The following THSD7B variants were observed in gnomAD, a reference collection of about 807,000 sequenced individuals.
THSD7B encodes the protein thrombospondin type 1 domain containing 7B.
In THSD7B, 138 loss-of-function variants were observed where a neutral mutation model predicts 213.6. The observed-to-expected ratio is 0.65, with a 90% CI of 0.56 to 0.74. The LOEUF is 0.74. Among genes scored for constraint, THSD7B ranks in the 30% least tolerant of loss-of-function variants. The pLI is 0.00. For missense variants in THSD7B, 1,931 were observed against 1,991.5 expected (o/e 0.97, Z 0.58); for synonymous variants, 742 against 687.0 (o/e 1.08, Z -1.25).
intron 10 of THSD7B, among the ~76,000 whole-genome samples, chr2:137,267,945 C>T (rs989192842): frequency 1.3e-5 from 2 of 152,196 alleles, no homozygotes; most frequent in Non-Finnish European, 2.9e-5. Context: ...AGAGCTACTA[C>T]TTGGCCTTTG....
chr2:137,613,767 C>A (rs1255505680), intron 17 of THSD7B, among the ~76,000 whole-genome samples: 1 of 152,086 alleles, frequency 6.6e-6, no homozygotes, highest in Non-Finnish European at 1.5e-5. Context: ...ATAAAGAAAT[C>A]ATCCAGATAG....
At chr2:137,272,389 T>A in intron 10 of THSD7B, 144 bp from the exon 11 acceptor site, 1 of 692,174 alleles carries the variant, frequency 1.4e-6, no homozygotes, top group Non-Finnish European at 2.3e-6. Context: ...TAACTCCTGG[T>A]CTTTGCTTGT....
At chr2:137,604,295 C>T (rs926289911) in intron 17 of THSD7B, among the ~76,000 whole-genome samples, 12 of 151,998 alleles carry the variant, frequency 7.9e-5, no homozygotes, top group African/African-American at 2.7e-4. Context: ...GACTCAATTC[C>T]TCTCTTTGAG....
At chr2:137,670,443 C>A (rs895650131) in intron 27 of THSD7B, among the ~76,000 whole-genome samples, 3 of 151,850 alleles carry the variant, frequency 2.0e-5, no homozygotes, top group African/African-American at 7.3e-5. Flanking sequence ...TAGGTCCAAA[C>A]ACATTTAAGT....
intron 5 of THSD7B, among the ~76,000 whole-genome samples, chr2:137,126,378 T>C (rs1244384399): frequency 6.6e-6 from 1 of 152,206 alleles, no homozygotes; most frequent in Non-Finnish European, 1.5e-5. Flanking sequence ...TGCTTCACTT[T>C]GCACCTTTTT....
At chr2:136,855,172 T>C (rs993791804) in intron 1 of THSD7B, among the ~76,000 whole-genome samples, 1 of 152,168 alleles carries the variant, frequency 6.6e-6, no homozygotes, top group Non-Finnish European at 1.5e-5. Context: ...TATTTATGTA[T>C]GCATTTTTTT....
chr2:137,351,075 C>A (rs777913983), intron 12 of THSD7B, among the ~76,000 whole-genome samples: 1 of 151,862 alleles, frequency 6.6e-6, no homozygotes, highest in Non-Finnish European at 1.5e-5. Context: ...TCATTCACAT[C>A]ACCATTGATA....
chr2:137,624,219 A>C (rs180699696), intron 20 of THSD7B, among the ~76,000 whole-genome samples: 1 of 152,286 alleles, frequency 6.6e-6, no homozygotes, highest in South Asian at 2.1e-4. Context: ...CAAAAACAAG[A>C]AATGGGAAAA....
chr2:137,675,731 A>C (rs1013171931), intron 27 of THSD7B, among the ~76,000 whole-genome samples: 2 of 152,108 alleles, frequency 1.3e-5, no homozygotes, highest in African/African-American at 4.8e-5. Flanking sequence ...AGACAGGGAG[A>C]GAGATGAAGC....
At chr2:137,232,113 G>A (rs147435462) in intron 8 of THSD7B, among the ~76,000 whole-genome samples, 30 of 152,320 alleles carry the variant, frequency 2.0e-4, no homozygotes, top group African/African-American at 7.2e-4. Flanking sequence ...CAAGGTCACA[G>A]ATCCTGGGCA....
intron 2 of THSD7B, among the ~76,000 whole-genome samples, chr2:137,041,325 G>C (rs1686878075): frequency 6.6e-6 from 1 of 152,080 alleles, no homozygotes; most frequent in East Asian, 1.9e-4. Context: ...TGAGCATAAG[G>C]GGTGCAGATA....
intron 2 of THSD7B, among the ~76,000 whole-genome samples, chr2:137,011,290 T>TC (rs1686226943): frequency 6.6e-6 from 1 of 152,168 alleles, no homozygotes; most frequent in East Asian, 1.9e-4. Flanking sequence ...TTCCTAAACA[T>TC]CCCCCTCTTT....
chr2:137,054,181 G>C (rs144517488), intron 2 of THSD7B, among the ~76,000 whole-genome samples: 1 of 152,182 alleles, frequency 6.6e-6, no homozygotes, highest in African/African-American at 2.4e-5. Flanking sequence ...TTTTCAACGC[G>C]TGTTCTCTAT....
chr2:137,399,446 G>A (rs1268917060), intron 12 of THSD7B, among the ~76,000 whole-genome samples: 1 of 152,016 alleles, frequency 6.6e-6, no homozygotes, highest in African/African-American at 2.4e-5. Flanking sequence ...CCCAGCCTTG[G>A]CCTCCGAAAG....
chr2:137,241,896 G>A (rs1462444855), intron 9 of THSD7B, among the ~76,000 whole-genome samples: 1 of 148,460 alleles, frequency 6.7e-6, no homozygotes, highest in Non-Finnish European at 1.5e-5. Flanking sequence ...GGGACAGAGT[G>A]AGACTCCATC....
chr2:136,817,416 T>G (rs2104934942), intron 1 of THSD7B, among the ~76,000 whole-genome samples: 1 of 151,670 alleles, frequency 6.6e-6, no homozygotes, highest in East Asian at 1.9e-4. Context: ...CTTTTGGTGT[T>G]TTAGACATGA....
At chr2:137,203,669 T>C (rs1011536932) in intron 7 of THSD7B, among the ~76,000 whole-genome samples, 2 of 152,070 alleles carry the variant, frequency 1.3e-5, no homozygotes, top group African/African-American at 4.8e-5. Flanking sequence ...ATAGTTATAG[T>C]GACATTGGGG....
chr2:137,049,773 A>G (rs977564290), intron 2 of THSD7B, among the ~76,000 whole-genome samples: 3 of 152,228 alleles, frequency 2.0e-5, no homozygotes, highest in Non-Finnish European at 2.9e-5. Context: ...AGACAGTCAC[A>G]GAGGCCAAAG....
At chr2:137,589,908 G>A (rs371694277) in intron 17 of THSD7B, among the ~76,000 whole-genome samples, 92 of 152,196 alleles carry the variant, frequency 6.0e-4, no homozygotes, top group African/African-American at 1.6e-3. Context: ...TATGATTTTC[G>A]TCTTAAGGAA....
Sources: allele counts gnomAD v4.1 joint callset (sites outside exome capture counted in the v4.1 genomes callset), GRCh38; gene constraint gnomAD v4.1.1; transcripts MANE v1.5; gene names NCBI Gene and HGNC (gene_info 2026-07-23, HGNC 2026-07-21).